Variants in MINDY4 observed in about 807,000 individuals in gnomAD.
MINDY4 encodes the protein MINDY lysine 48 deubiquitinase 4, also known as probable ubiquitin carboxyl-terminal hydrolase MINDY-4.
A neutral mutation model predicts 87.0 loss-of-function variants in MINDY4; 68 were observed. The ratio of observed to expected loss-of-function variants is 0.78; its 90% CI spans 0.64 to 0.96. The LOEUF (loss-of-function observed/expected upper bound fraction) is 0.96. Ranked by LOEUF, MINDY4 falls within the 40% of genes least tolerant of loss-of-function variation. MINDY4 has a pLI of 0.00. For missense variants in MINDY4, 919 were observed against 928.2 expected, an observed-to-expected ratio of 0.99 and a Z score of 0.13; for synonymous variants, 379 against 363.2, an observed-to-expected ratio of 1.04 and a Z score of -0.50.
intron 17 of MINDY4, among the ~76,000 whole-genome samples, chr7:30,887,299 C>T (rs183296968): frequency 2.6e-4 from 40 of 152,342 alleles, no homozygotes; most frequent in African/African-American, 9.1e-4. Flanking sequence ...CCCACACACA[C>T]CTGCCCTGTG....
intron 5 of MINDY4, among the ~76,000 whole-genome samples, chr7:30,812,979 G>A (rs191062326): frequency 7.9e-5 from 12 of 152,294 alleles, no homozygotes; most frequent in South Asian, 4.1e-4. Flanking sequence ...TCTTCCTGGC[G>A]TCTGCCTTGC....
intron 5 of MINDY4, among the ~76,000 whole-genome samples, chr7:30,827,900 A>G (rs1788560444): frequency 6.6e-6 from 1 of 152,228 alleles, no homozygotes; most frequent in African/African-American, 2.4e-5. Context: ...CACTCAAAAG[A>G]GCTGTCACTT....
intron 11 of MINDY4, 101 bp from the exon 12 acceptor site, chr7:30,853,293 T>C: frequency 1.1e-6 from 1 of 915,498 alleles, no homozygotes; most frequent in South Asian, 1.4e-5. Context: ...CATTCCCAAG[T>C]TGGATTTTGT....
chr7:30,828,362 T>C (rs1202417133), intron 5 of MINDY4, among the ~76,000 whole-genome samples: 1 of 151,836 alleles, frequency 6.6e-6, no homozygotes, highest in African/African-American at 2.4e-5. Flanking sequence ...CCCAGAAGTA[T>C]TGCAGTGAAA....
chr7:30,790,106 C>T (rs1292742877), intron 4 of MINDY4, among the ~76,000 whole-genome samples: 1 of 152,232 alleles, frequency 6.6e-6, no homozygotes, highest in African/African-American at 2.4e-5. Context: ...ATACGTCTGG[C>T]TCTGTGCTAG....
At position 30,819,984 on chromosome 7, in the gene MINDY4, C is replaced by T. The variant is rs375478983; in HGVS notation, c.1074-8695C>T. On this transcript the variant is annotated intron_variant, in intron 5 of 17. Coordinates refer to ENST00000265299, the MANE Select transcript of MINDY4 (RefSeq NM_032222.3). ...TGGCGGGATCTCGGCTCACTGCAAG[C>T]TCCGCCTCCTGGGTTCACGCCATTC... Among the ~76,000 whole-genome samples, 39 of 142,058 alleles carry T rather than the reference C, an allele frequency of 2.7e-4. No individual in the cohort carries two copies. The East Asian group carries it at 7.4e-3, about 27-fold the overall frequency. The allele number at this position is 142,058 out of a possible 152,430, so 93.2% of individuals were successfully genotyped here.
At chr7:30,779,127 T>C (rs549611738) in intron 2 of MINDY4, among the ~76,000 whole-genome samples, 2 of 152,356 alleles carry the variant, frequency 1.3e-5, no homozygotes, top group East Asian at 1.9e-4. Flanking sequence ...CCTGCTATTA[T>C]AGGCTTTCAT....
At chr7:30,865,948 C>A (rs1789921038) in intron 13 of MINDY4, among the ~76,000 whole-genome samples, 1 of 152,222 alleles carries the variant, frequency 6.6e-6, no homozygotes, top group Admixed American at 6.5e-5. Context: ...TAGATAGGCC[C>A]ATACCAGCTG....
chr7:30,771,667 C>T, intron 1 of MINDY4, 111 bp downstream of exon 1: 1 of 1,014,522 alleles, frequency 9.9e-7, no homozygotes. Context: ...TCCCTACCTA[C>T]TGCCTGCTCC....
At chr7:30,872,967 T>C (rs1312105784) in intron 14 of MINDY4, among the ~76,000 whole-genome samples, 2 of 152,206 alleles carry the variant, frequency 1.3e-5, no homozygotes, top group East Asian at 1.9e-4. Context: ...CACAGTGAAA[T>C]CTGGCTCTCA....
intron 1 of MINDY4, among the ~76,000 whole-genome samples, chr7:30,773,008 G>A (rs930669825): frequency 1.3e-5 from 2 of 149,902 alleles, no homozygotes; most frequent in African/African-American, 2.5e-5. Context: ...TGACATGGCC[G>A]AGTTCCCCTG....
At chr7:30,843,421 A>G (rs1789102653) in intron 9 of MINDY4, among the ~76,000 whole-genome samples, 1 of 152,004 alleles carries the variant, frequency 6.6e-6, no homozygotes, top group African/African-American at 2.4e-5. Context: ...CTTGCAGGAG[A>G]TTGTCTCTAA....
intron 9 of MINDY4, among the ~76,000 whole-genome samples, 184 bp downstream of exon 9, chr7:30,841,032 C>A (rs1205169347): frequency 6.6e-6 from 1 of 152,068 alleles, no homozygotes; most frequent in Non-Finnish European, 1.5e-5. Flanking sequence ...GGGACTTGTG[C>A]GCGTTTGTTT....
chr7:30,785,686 G>T (rs903736452), intron 3 of MINDY4, 63 bp from the exon 4 acceptor site: 9 of 1,583,380 alleles, frequency 5.7e-6, no homozygotes, highest in African/African-American at 1.3e-5. Flanking sequence ...TGTGGAATTT[G>T]CTATCTTTGT....
chr7:30,794,557 T>G (rs558138208), intron 5 of MINDY4, among the ~76,000 whole-genome samples: 4 of 152,248 alleles, frequency 2.6e-5, no homozygotes, highest in African/African-American at 9.6e-5. Flanking sequence ...TGTTAGGCGG[T>G]GTGAGTATCT....
chr7:30,796,664 A>G (rs1787498769), intron 5 of MINDY4: 1 of 152,136 alleles, frequency 6.6e-6, no homozygotes, highest in African/African-American at 2.4e-5. Context: ...CAGAAAGGAA[A>G]TGACTCACTT....
chr7:30,859,386 T>A (rs994050330), intron 13 of MINDY4, 62 bp downstream of exon 13: 1 of 1,474,446 alleles, frequency 6.8e-7, no homozygotes, highest in African/African-American at 1.4e-5. Context: ...CACTGCTGCC[T>A]CGCTAGAGCC....
At chr7:30,844,859 ATC>A (rs1789156502) in intron 9 of MINDY4, among the ~76,000 whole-genome samples, 1 of 152,232 alleles carries the variant, frequency 6.6e-6, no homozygotes, top group South Asian at 2.1e-4. Context: ...AGGAATAGTC[ATC>A]TCTGGCTTGC....
intron 5 of MINDY4, among the ~76,000 whole-genome samples, chr7:30,817,702 G>A (rs1281026409): frequency 2.6e-5 from 4 of 152,156 alleles, no homozygotes; most frequent in African/African-American, 7.2e-5. Flanking sequence ...AGACAACTCC[G>A]GCAAAAGGGA....
Sources: allele counts gnomAD v4.1 joint callset (sites outside exome capture counted in the v4.1 genomes callset), GRCh38; gene constraint gnomAD v4.1.1; transcripts MANE v1.5; gene names NCBI Gene and HGNC (gene_info 2026-07-23, HGNC 2026-07-21).